CAMKMT: variants seen among roughly 807,000 people sequenced by gnomAD.
CAMKMT encodes calmodulin-lysine N-methyltransferase.
Under a neutral mutation model 48.0 loss-of-function variants are expected in CAMKMT, and 53 were observed. That is an observed-to-expected ratio of 1.10 (90% confidence interval 0.89 to 1.39). The LOEUF is 1.39. Ranked by LOEUF, CAMKMT falls within the 40% of genes most tolerant of loss-of-function variation. The pLI, the probability that CAMKMT is intolerant of heterozygous loss-of-function variation, is 0.00. For missense variants in CAMKMT, 428 were observed against 402.7 expected, an observed-to-expected ratio of 1.06 and a Z score of -0.54; for synonymous variants, 165 against 152.3, an observed-to-expected ratio of 1.08 and a Z score of -0.61.
chr2:44,575,380 T>C (rs1015789094), intron 3 of CAMKMT, among the ~76,000 whole-genome samples: 1 of 151,976 alleles, frequency 6.6e-6, no homozygotes, highest in Non-Finnish European at 1.5e-5. Context: ...CGCCCAGCCC[T>C]TCTCCATTTA....
chr2:44,684,252 T>C (rs1676206758), intron 3 of CAMKMT, among the ~76,000 whole-genome samples: 1 of 152,214 alleles, frequency 6.6e-6, no homozygotes, highest in South Asian at 2.1e-4. Context: ...CTGTGCACTT[T>C]GATCTCAACT....
chr2:44,772,143 G>C lies in CAMKMT; in HGVS notation c.*30G>C, dbSNP rs762121583. On this transcript the variant is annotated 3_prime_UTR_variant, in exon 11 of 11. Coordinates refer to ENST00000378494, the MANE Select transcript of CAMKMT (RefSeq NM_024766.5). ...TTAAGCTTCTCAAAGACGAAGAAAC[G>C]TATCAAGTGCATAGGGAATATTTTT... is the stretch of plus-strand genomic sequence containing the variant. 1.3e-6 allele frequency: 2 copies of C among 1,560,098 alleles called. No homozygotes were observed. Among genetic ancestry groups the C allele is most frequent in the Non-Finnish European group, 1.8e-6 (2 of 1,133,812 alleles).
intron 3 of CAMKMT, among the ~76,000 whole-genome samples, chr2:44,539,200 G>T (rs1339950938): frequency 2.5e-4 from 38 of 150,246 alleles, no homozygotes; most frequent in African/African-American, 9.1e-4. Context: ...AGCTACTCAG[G>T]AGGCTGAGGC....
intron 1 of CAMKMT, among the ~76,000 whole-genome samples, chr2:44,367,088 G>A (rs1171124181): frequency 1.3e-5 from 2 of 152,120 alleles, no homozygotes; most frequent in Non-Finnish European, 2.9e-5. Context: ...AGGTTTTCTG[G>A]TTTTTACTTG....
At chr2:44,461,100 A>C (rs1265657427) in intron 3 of CAMKMT, among the ~76,000 whole-genome samples, 2 of 152,208 alleles carry the variant, frequency 1.3e-5, no homozygotes, top group African/African-American at 4.8e-5. Flanking sequence ...AAATAGACTC[A>C]AACATTAAAT....
intron 3 of CAMKMT, among the ~76,000 whole-genome samples, chr2:44,683,840 A>AAAG (rs1553437601): frequency 4.7e-5 from 7 of 149,158 alleles, no homozygotes; most frequent in African/African-American, 1.7e-4. Flanking sequence ...AAAAAAAAAA[A>AAAG]AAAGAAAAAG....
intron 3 of CAMKMT, among the ~76,000 whole-genome samples, chr2:44,486,551 T>C (rs1669227562): frequency 1.3e-5 from 2 of 152,240 alleles, no homozygotes. Flanking sequence ...TGTGTACTGA[T>C]GTTGGTCATA....
chr2:44,385,614 C>A (rs1051062563), intron 2 of CAMKMT, among the ~76,000 whole-genome samples: 7 of 152,066 alleles, frequency 4.6e-5, no homozygotes, highest in Non-Finnish European at 5.9e-5. Context: ...GTGGGTTTAT[C>A]ATAGATGGCT....
intron 3 of CAMKMT, among the ~76,000 whole-genome samples, chr2:44,592,652 C>T (rs902995195): frequency 3.9e-5 from 6 of 152,086 alleles, no homozygotes; most frequent in Non-Finnish European, 7.4e-5. Context: ...TAAACTTTAT[C>T]ATAGGTATGT....
At chr2:44,375,265 C>A (rs1394951888) in intron 2 of CAMKMT, among the ~76,000 whole-genome samples, 1 of 150,612 alleles carries the variant, frequency 6.6e-6, no homozygotes, top group African/African-American at 2.4e-5. Flanking sequence ...CTCTCATCTT[C>A]CTCTATATTT....
chr2:44,494,761 A>G (rs1259092985), intron 3 of CAMKMT, among the ~76,000 whole-genome samples: 5 of 152,192 alleles, frequency 3.3e-5, no homozygotes, highest in Non-Finnish European at 5.9e-5. Context: ...AGGTTTAGAT[A>G]GAATTATTAT....
intron 3 of CAMKMT, among the ~76,000 whole-genome samples, chr2:44,414,069 G>A (rs1344375901): frequency 6.6e-6 from 1 of 152,124 alleles, no homozygotes; most frequent in Non-Finnish European, 1.5e-5. Context: ...AGGATAACTT[G>A]AATGATACCC....
chr2:44,561,930 G>A (rs1329945094), intron 3 of CAMKMT, among the ~76,000 whole-genome samples: 2 of 152,182 alleles, frequency 1.3e-5, no homozygotes, highest in African/African-American at 4.8e-5. Context: ...AGTGAGCCAT[G>A]GACAGGGCTG....
At chr2:44,695,673 T>C (rs953128207) in intron 3 of CAMKMT, among the ~76,000 whole-genome samples, 2 of 152,178 alleles carry the variant, frequency 1.3e-5, no homozygotes, top group South Asian at 2.1e-4. Context: ...GAATGACACA[T>C]TGGCCATTTT....
intron 3 of CAMKMT, among the ~76,000 whole-genome samples, chr2:44,667,120 T>G (rs1675030157): frequency 6.6e-6 from 1 of 152,212 alleles, no homozygotes; most frequent in Admixed American, 6.5e-5. Context: ...GACCTTTGTA[T>G]CAGCTTGTGT....
At chr2:44,369,441 A>G (rs1458606264) in intron 1 of CAMKMT, among the ~76,000 whole-genome samples, 5 of 152,042 alleles carry the variant, frequency 3.3e-5, no homozygotes, top group Non-Finnish European at 7.4e-5. Flanking sequence ...AATAGAAACC[A>G]CTCTAGCTAC....
At chr2:44,387,339 G>T (rs1425541547) in intron 2 of CAMKMT, among the ~76,000 whole-genome samples, 1 of 151,618 alleles carries the variant, frequency 6.6e-6, no homozygotes, top group East Asian at 1.9e-4. Context: ...AGCTACGCCT[G>T]CTAGTTTTTG....
intron 3 of CAMKMT, among the ~76,000 whole-genome samples, chr2:44,412,138 G>A (rs947345730): frequency 1.3e-5 from 2 of 151,812 alleles, no homozygotes; most frequent in Non-Finnish European, 2.9e-5. Context: ...TGCTTGTCAC[G>A]CGCATTACGT....
chr2:44,732,125 A>AT lies in CAMKMT; in HGVS notation c.624-11489dup, dbSNP rs965327704. Among the ~76,000 whole-genome samples, 223 of 151,654 alleles carry AT rather than the reference A, an allele frequency of 1.5e-3. 3 individuals are homozygous for AT. Among genetic ancestry groups the AT allele is most frequent in the Non-Finnish European group, 1.1e-3 (72 of 67,864 alleles). On this transcript the variant is annotated intron_variant, in intron 7 of 10. Coordinates refer to ENST00000378494, the MANE Select transcript of CAMKMT (RefSeq NM_024766.5). The stretch of plus-strand genomic sequence containing the variant: ...TACCACCACAACTGGCTAATTTTTT[A>AT]TTTTTTTTGTAGAGACAGGGGTCTC...
Sources: allele counts gnomAD v4.1 joint callset (sites outside exome capture counted in the v4.1 genomes callset), GRCh38; gene constraint gnomAD v4.1.1; transcripts MANE v1.5; gene names NCBI Gene and HGNC (gene_info 2026-07-23, HGNC 2026-07-21).